The following SBF2 variants were observed in gnomAD, a reference collection of about 807,000 sequenced individuals.
SBF2 encodes SET binding factor 2, also known as myotubularin-related protein 13.
SBF2 carries 112 observed loss-of-function variants against 225.2 expected under a neutral mutation model. The observed-to-expected ratio is 0.50, with a 90% CI of 0.43 to 0.58. The LOEUF (loss-of-function observed/expected upper bound fraction) is 0.58. Among genes scored for constraint, SBF2 ranks in the 20% least tolerant of loss-of-function variants. The pLI is 0.00. For synonymous variants in SBF2, 763 were observed against 773.3 expected, an observed-to-expected ratio of 0.99 and a Z score of 0.22; for missense variants, 1,996 against 2,206.2, an observed-to-expected ratio of 0.90 and a Z score of 1.91.
intron 6 of SBF2, among the ~76,000 whole-genome samples, chr11:10,014,991 C>T (rs141195857): frequency 6.6e-6 from 1 of 151,972 alleles, no homozygotes; most frequent in East Asian, 1.9e-4. Context: ...ATTAGCCAGG[C>T]ATGGTGGTGT....
chr11:10,063,124 A>C (rs1050040889), intron 2 of SBF2, among the ~76,000 whole-genome samples: 3 of 151,844 alleles, frequency 2.0e-5, no homozygotes, highest in Non-Finnish European at 4.4e-5. Context: ...ACTTATAAGA[A>C]CATATGAACA....
intron 1 of SBF2, among the ~76,000 whole-genome samples, chr11:10,229,738 T>C (rs1958744917): frequency 6.6e-6 from 1 of 152,212 alleles, no homozygotes; most frequent in African/African-American, 2.4e-5. Context: ...TCCAACTATG[T>C]GGTCAATTTT....
chr11:9,885,048 C>T (rs1274250947), intron 17 of SBF2, among the ~76,000 whole-genome samples: 3 of 151,750 alleles, frequency 2.0e-5, no homozygotes, highest in East Asian at 1.9e-4. Flanking sequence ...GTCAGGAGTT[C>T]GAGACTAGCC....
At chr11:10,227,007 G>A (rs564361519) in intron 1 of SBF2, among the ~76,000 whole-genome samples, 12 of 152,276 alleles carry the variant, frequency 7.9e-5, no homozygotes, top group African/African-American at 4.8e-5. Flanking sequence ...ATTTTTTAAT[G>A]ATTGCCATTC....
At chr11:9,943,499 C>T (rs191877855) in intron 16 of SBF2, among the ~76,000 whole-genome samples, 1 of 151,732 alleles carries the variant, frequency 6.6e-6, no homozygotes, top group East Asian at 1.9e-4. Context: ...GACTGGTATT[C>T]AGAACATACT....
intron 17 of SBF2, among the ~76,000 whole-genome samples, chr11:9,866,883 A>G (rs532907874): frequency 1.3e-5 from 2 of 152,330 alleles, no homozygotes; most frequent in African/African-American, 4.8e-5. Flanking sequence ...AAGCAACTCA[A>G]TAGCAAACAA....
chr11:10,296,023 A>T (rs1025847607), upstream of SBF2, among the ~76,000 whole-genome samples: 4 of 152,074 alleles, frequency 2.6e-5, no homozygotes, highest in Admixed American at 2.0e-4. Context: ...AAACCTCACA[A>T]CCATTAAGCA....
rs1288978130 is a variant in SBF2, at chr11:10,196,860, A to ATTTTTT, written c.56-2874_56-2873insAAAAAA. ...TAAATATATATATATATATATATAT[A>ATTTTTT]TATATATTTTTTTTTTCCTACAAAA... On this transcript the variant is annotated intron_variant, in intron 1 of 39. Coordinates refer to ENST00000256190, the MANE Select transcript of SBF2 (RefSeq NM_030962.4). Among the ~76,000 whole-genome samples, 4 of 13,646 alleles carry ATTTTTT rather than the reference A, an allele frequency of 2.9e-4. 1 individual carries two copies. The highest frequency in any genetic ancestry group is 2.8e-3 in the South Asian group (1 of 356). 9.0% of individuals were successfully genotyped at this position (13,646 alleles called of 152,430 possible). A position where few individuals can be genotyped will look rare whatever the true frequency, so the allele number is the denominator to read the frequency against.
In SBF2 at chr11:9,789,290, A is replaced by G; in HGVS notation, c.4751T>C (p.Ile1584Thr). 1.9e-6 allele frequency: 3 copies of G among 1,614,150 alleles called. No individual in the cohort carries two copies. Among genetic ancestry groups the G allele is most frequent in the Admixed American group, 1.7e-5 (1 of 60,016 alleles). Residue 1584 changes from isoleucine (I) to threonine (T), a missense_variant, in exon 35 of 40, where the codon ATA (isoleucine) becomes ACA (threonine). Ile to Thr is a moderately conservative substitution (Grantham distance 89). Coordinates refer to ENST00000256190, the MANE Select transcript of SBF2 (RefSeq NM_030962.4). ...AGGGCCTGTGGACAGGGTCTCTTCT[A>G]TGTAGTAATCCCACTTCTTGAGGCT... is the stretch of plus-strand genomic sequence containing the variant. Reference protein sequence around the residue: ...VSSLKKWDYYIEETLSTGPSY... With the variant: ...VSSLKKWDYYTEETLSTGPSY...
intron 2 of SBF2, among the ~76,000 whole-genome samples, chr11:10,089,603 T>C (rs902276071): frequency 6.6e-6 from 1 of 152,176 alleles, no homozygotes; most frequent in African/African-American, 2.4e-5. Context: ...TAAACAAATA[T>C]TGTATGTATA....
At chr11:9,968,892 G>A (rs755540443) in intron 13 of SBF2, among the ~76,000 whole-genome samples, 1 of 151,966 alleles carries the variant, frequency 6.6e-6, no homozygotes, top group Admixed American at 6.6e-5. Context: ...TCATTCCTTG[G>A]TGATCACTTC....
chr11:9,819,046 C>T (rs751781792), intron 28 of SBF2, among the ~76,000 whole-genome samples: 19 of 152,200 alleles, frequency 1.2e-4, no homozygotes, highest in African/African-American at 3.9e-4. Flanking sequence ...ACGTAGTTTA[C>T]GAGGTTTTCT....
At chr11:10,096,398 G>T (rs1380892296) in intron 2 of SBF2, among the ~76,000 whole-genome samples, 1 of 133,922 alleles carries the variant, frequency 7.5e-6, no homozygotes, top group Admixed American at 8.2e-5. Context: ...TACTCAATTT[G>T]ATTAGCCTTA....
intron 16 of SBF2, chr11:9,958,039 G>A (rs1866296713): frequency 6.6e-6 from 1 of 152,052 alleles, no homozygotes; most frequent in African/African-American, 2.4e-5. Flanking sequence ...CCACCACAAA[G>A]GGAAATCCTA....
chr11:10,207,835 C>T (rs1369527416), intron 1 of SBF2, among the ~76,000 whole-genome samples: 3 of 152,070 alleles, frequency 2.0e-5, no homozygotes, highest in African/African-American at 7.2e-5. Flanking sequence ...CTCTCACAAG[C>T]ACTTATTTAA....
intron 17 of SBF2, among the ~76,000 whole-genome samples, chr11:9,868,948 C>T (rs999089642): frequency 6.6e-6 from 1 of 152,128 alleles, no homozygotes; most frequent in Non-Finnish European, 1.5e-5. Context: ...ATTGTCAATG[C>T]CCAGATTTGT....
chr11:10,158,306 G>A (rs1955569952), intron 2 of SBF2, among the ~76,000 whole-genome samples: 1 of 151,916 alleles, frequency 6.6e-6, no homozygotes. Flanking sequence ...AACTAAATCA[G>A]CGGAAGAAAA....
intron 38 of SBF2, among the ~76,000 whole-genome samples, chr11:9,782,734 G>A (rs1174609705): frequency 1.3e-5 from 2 of 152,140 alleles, no homozygotes; most frequent in Non-Finnish European, 2.9e-5. Flanking sequence ...AGCTGGGCAT[G>A]GTGGCAGGCG....
chr11:10,163,506 T>C (rs1955837355), intron 2 of SBF2, among the ~76,000 whole-genome samples: 1 of 152,124 alleles, frequency 6.6e-6, no homozygotes, highest in Admixed American at 6.5e-5. Flanking sequence ...TAGCAACAGA[T>C]TTTACTTTTA....
Sources: gnomAD v4.1 joint callset for allele counts (sites outside exome capture counted in the v4.1 genomes callset) on GRCh38, gnomAD v4.1.1 for gene constraint, MANE v1.5 for transcripts, NCBI Gene and HGNC (gene_info 2026-07-23, HGNC 2026-07-21) for gene names.